The following ASTN2 variants were observed in gnomAD, a reference collection of about 807,000 sequenced individuals.
The protein encoded by ASTN2 is astrotactin-2.
In ASTN2, 54 loss-of-function variants were observed where a neutral mutation model predicts 139.8. The observed-to-expected ratio is 0.39, with a 90% CI of 0.31 to 0.48. The LOEUF (loss-of-function observed/expected upper bound fraction) is 0.48. Ranked by LOEUF, ASTN2 falls within the 20% of genes least tolerant of loss-of-function variation. The pLI is 0.95. For synonymous variants in ASTN2, 756 were observed against 719.5 expected (o/e 1.05, Z -0.81); for missense variants, 1,565 against 1,725.1 (o/e 0.91, Z 1.64).
chr9:117,192,060 T>C (rs1831363596), intron 3 of ASTN2, among the ~76,000 whole-genome samples: 1 of 151,610 alleles, frequency 6.6e-6, no homozygotes, highest in Non-Finnish European at 1.5e-5. Flanking sequence ...TTTGGTGACA[T>C]TCCTGTTTGT....
chr9:117,021,946 T>A (rs1482242464), intron 6 of ASTN2, among the ~76,000 whole-genome samples: 2 of 152,322 alleles, frequency 1.3e-5, no homozygotes, highest in African/African-American at 4.8e-5. Flanking sequence ...AAGAAAATGT[T>A]GCCTTGTTCA....
At chr9:117,035,146 T>A (rs939301595) in intron 6 of ASTN2, among the ~76,000 whole-genome samples, 4 of 152,128 alleles carry the variant, frequency 2.6e-5, no homozygotes, top group Admixed American at 6.6e-5. Context: ...TGGGGGTGAC[T>A]GAAAAAGGAT....
In ASTN2 at chr9:116,671,830, T is replaced by A. The variant is rs529423517; in HGVS notation, c.2807-20037A>T. Among the ~76,000 whole-genome samples, 8 of 152,252 alleles carry A rather than the reference T, an allele frequency of 5.3e-5. No homozygotes were observed. The South Asian group carries it at 1.7e-3, about 32-fold the overall frequency. On this transcript the variant is annotated intron_variant, in intron 16 of 22. Coordinates refer to ENST00000313400, the MANE Select transcript of ASTN2 (RefSeq NM_001365068.1). ...ACTGAATCTCATCAAAATATATATGTCATCTTGAAAATGGCTACTTCCCCA... is the reference window on the plus strand; with the variant it reads ...ACTGAATCTCATCAAAATATATATGACATCTTGAAAATGGCTACTTCCCCA...
At chr9:117,385,811 T>C (rs1234592474) in intron 1 of ASTN2, among the ~76,000 whole-genome samples, 1 of 151,846 alleles carries the variant, frequency 6.6e-6, no homozygotes, top group Non-Finnish European at 1.5e-5. Flanking sequence ...AGAGCTAAAC[T>C]GAGACAAAAG....
chr9:117,312,936 G>A (rs1453129300), intron 1 of ASTN2, among the ~76,000 whole-genome samples: 2 of 152,182 alleles, frequency 1.3e-5, no homozygotes, highest in East Asian at 3.9e-4. Flanking sequence ...GCCTGTCTCA[G>A]TGATATCTCA....
intron 1 of ASTN2, among the ~76,000 whole-genome samples, chr9:117,408,801 G>T (rs2130976721): frequency 6.6e-6 from 1 of 152,204 alleles, no homozygotes; most frequent in Middle Eastern, 3.4e-3. Flanking sequence ...CCCTCTCTCT[G>T]CCCTACACTG....
chr9:117,311,701 A>C (rs988537942), intron 1 of ASTN2, among the ~76,000 whole-genome samples: 2 of 152,278 alleles, frequency 1.3e-5, no homozygotes, highest in Middle Eastern at 3.4e-3. Flanking sequence ...TAATTGTCCC[A>C]CACACACAGA....
At chr9:117,287,575 G>C (rs1167002152) in intron 2 of ASTN2, among the ~76,000 whole-genome samples, 2 of 152,178 alleles carry the variant, frequency 1.3e-5, no homozygotes, top group African/African-American at 4.8e-5. Flanking sequence ...TCATGTGAGG[G>C]ACAGTATCCA....
intron 10 of ASTN2, among the ~76,000 whole-genome samples, chr9:116,910,972 C>A (rs1187824478): frequency 6.6e-6 from 1 of 152,136 alleles, no homozygotes; most frequent in Non-Finnish European, 1.5e-5. Context: ...CAGCATCTGC[C>A]TTATCACCAG....
chr9:117,333,581 C>G (rs576555265), intron 1 of ASTN2, among the ~76,000 whole-genome samples: 38 of 152,276 alleles, frequency 2.5e-4, no homozygotes, highest in African/African-American at 9.1e-4. Context: ...ATTTTAGATA[C>G]TGGGCTTCCA....
chr9:116,901,111 T>TGTGC (rs1554758173), intron 10 of ASTN2, among the ~76,000 whole-genome samples: 26 of 151,788 alleles, frequency 1.7e-4, no homozygotes, highest in Admixed American at 9.2e-4. Flanking sequence ...TGTGTGTGTG[T>TGTGC]GCGCGTGTGC....
chr9:117,332,416 C>T (rs1828740799), intron 1 of ASTN2, among the ~76,000 whole-genome samples: 1 of 152,046 alleles, frequency 6.6e-6, no homozygotes, highest in Admixed American at 6.6e-5. Flanking sequence ...ACTAAAAATA[C>T]AAAAATTAGC....
At chr9:117,413,299 G>A (rs567592905) in intron 1 of ASTN2, among the ~76,000 whole-genome samples, 1 of 152,382 alleles carries the variant, frequency 6.6e-6, no homozygotes, top group Admixed American at 6.5e-5. Flanking sequence ...GAAGTTCAGG[G>A]ATCGTAAAGG....
chr9:117,203,720 G>A (rs1831812535), intron 3 of ASTN2, among the ~76,000 whole-genome samples: 2 of 152,130 alleles, frequency 1.3e-5, no homozygotes, highest in Admixed American at 1.3e-4. Flanking sequence ...AGCAAAGATG[G>A]ATGCCTGTTC....
chr9:116,996,926 ATAGT>A (rs1252439816), intron 7 of ASTN2, among the ~76,000 whole-genome samples: 1 of 152,134 alleles, frequency 6.6e-6, no homozygotes, highest in Non-Finnish European at 1.5e-5. Flanking sequence ...AAAATTAAAT[ATAGT>A]CTCTAATTTA....
At chr9:116,483,037 C>T (rs1037141143) in intron 20 of ASTN2, among the ~76,000 whole-genome samples, 5 of 152,196 alleles carry the variant, frequency 3.3e-5, no homozygotes, top group African/African-American at 4.8e-5. Context: ...AGAGCAGCTA[C>T]AAGAAGGGTG....
intron 16 of ASTN2, among the ~76,000 whole-genome samples, chr9:116,723,274 A>G (rs1473741716): frequency 6.6e-6 from 1 of 152,174 alleles, no homozygotes; most frequent in Non-Finnish European, 1.5e-5. Flanking sequence ...ACTGTTTTCT[A>G]TGTACCTACT....
At chr9:117,256,381 G>T (rs1009801219) in intron 2 of ASTN2, among the ~76,000 whole-genome samples, 2 of 152,288 alleles carry the variant, frequency 1.3e-5, no homozygotes, top group African/African-American at 4.8e-5. Flanking sequence ...AAGGGACCTA[G>T]TGTTTATCAG....
At chr9:116,900,784 C>T (rs2132403839) in intron 10 of ASTN2, among the ~76,000 whole-genome samples, 1 of 152,256 alleles carries the variant, frequency 6.6e-6, no homozygotes, top group Middle Eastern at 3.4e-3. Flanking sequence ...TCTCCCTCCA[C>T]CTTCGTTTGG....
Sources: gnomAD v4.1 joint callset for allele counts (sites outside exome capture counted in the v4.1 genomes callset) on GRCh38, gnomAD v4.1.1 for gene constraint, MANE v1.5 for transcripts, NCBI Gene and HGNC (gene_info 2026-07-23, HGNC 2026-07-21) for gene names.